LAMB1: variants seen among roughly 807,000 people sequenced by gnomAD.
LAMB1 encodes the protein laminin subunit beta 1, also known as laminin subunit beta-1.
Under a neutral mutation model 222.3 loss-of-function variants are expected in LAMB1, and 121 were observed. The observed-to-expected ratio is 0.54, with a 90% confidence interval of 0.47 to 0.63. The LOEUF (loss-of-function observed/expected upper bound fraction) is 0.63. LAMB1 is among the 30% of genes least tolerant of loss of function. The pLI is 0.00. For synonymous variants in LAMB1, 794 were observed against 807.2 expected (o/e 0.98, Z 0.28); for missense variants, 2,172 against 2,240.8 (o/e 0.97, Z 0.62).
chr7:107,981,239 G>A (rs2033967212), intron 7 of LAMB1, among the ~76,000 whole-genome samples: 1 of 152,168 alleles, frequency 6.6e-6, no homozygotes, highest in Non-Finnish European at 1.5e-5. Context: ...CTGAGGTCAG[G>A]AGTTCAAAAC....
At chr7:107,952,279 G>T (rs560155463) in intron 22 of LAMB1, 56 bp from the exon 23 acceptor site, 2 of 1,322,286 alleles carry the variant, frequency 1.5e-6, no homozygotes, top group African/African-American at 1.4e-5. Context: ...ACAGGCATGC[G>T]GATGTTAGCC....
In LAMB1 at chr7:107,952,001, C is replaced by G. The variant is rs1231099629; in HGVS notation, c.3294+8G>C. The G allele has an allele frequency of 1.2e-6, 2 of 1,603,576 alleles. No homozygotes were observed. Among genetic ancestry groups the G allele is most frequent in the African/African-American group, 2.7e-5 (2 of 74,724 alleles). On this transcript the variant is annotated splice_region_variant and intron_variant, in intron 23 of 33. Transcript: ENST00000222399. ...ATAAAGGCATCATCCCCAGCAGCAG[C>G]CCCTCACCTCATTGCAAGATGGCCC...
chr7:108,002,922 G>C lies in LAMB1; in HGVS notation c.-37C>G, dbSNP rs1345796592. 4.3e-6 allele frequency: 7 copies of C among 1,612,458 alleles called. No homozygotes were observed. In the South Asian group the frequency reaches 7.7e-5, roughly 18 times the overall value. On this transcript the variant is annotated 5_prime_UTR_variant, in exon 2 of 34. Coordinates refer to ENST00000222399, the MANE Select transcript of LAMB1 (RefSeq NM_002291.3). ...GCAGCCACGGGGACGCGGCAGAGGA[G>C]TGGAGAAGACGCCCGCCGAGCCGCC... is the stretch of plus-strand genomic sequence containing the variant.
At chr7:107,946,123 G>C (rs1457096331) in intron 24 of LAMB1, among the ~76,000 whole-genome samples, 1 of 152,108 alleles carries the variant, frequency 6.6e-6, no homozygotes, top group Non-Finnish European at 1.5e-5. Flanking sequence ...TAAGATTCAG[G>C]TAATGGGGTT....
intron 29 of LAMB1, 68 bp from the exon 30 acceptor site, chr7:107,929,687 A>C (rs2032659562): frequency 3.2e-6 from 4 of 1,259,984 alleles, no homozygotes; most frequent in Middle Eastern, 1.9e-4. Flanking sequence ...TCAACCACTT[A>C]CTGGTCATCT....
chr7:107,934,126 T>C (rs1006548036), intron 27 of LAMB1, among the ~76,000 whole-genome samples: 1 of 152,266 alleles, frequency 6.6e-6, no homozygotes, highest in African/African-American at 2.4e-5. Flanking sequence ...ATTTTTCTTT[T>C]TTCTTCATCT....
rs1014966593 is a variant in LAMB1 at position 107,953,626 on chromosome 7, C to A, written c.2983G>T (p.Gly995Trp). ...TDPEACDKET[G>W]RCLKCLYHTE... The stretch of plus-strand genomic sequence containing the variant: ...TGGTACAGGCACTTGAGACACCTCC[C>A]AGTCTCCTTGTCACAGGCTTCTGGG... Residue 995 changes from glycine to tryptophan, a missense_variant, in exon 22 of 34, where the codon GGG (glycine) becomes TGG (tryptophan). Physicochemically the swap from Gly to Trp is radical, Grantham distance 184. Coordinates refer to ENST00000222399, the MANE Select transcript of LAMB1 (RefSeq NM_002291.3). 1 of 1,614,072 alleles carries A rather than the reference C, an allele frequency of 6.2e-7. No individual in the cohort carries two copies. Among genetic ancestry groups the A allele is most frequent in the Non-Finnish European group, 8.5e-7 (1 of 1,180,028 alleles).
In LAMB1 at chr7:107,951,238, C is replaced by G; in HGVS notation, c.3379G>C (p.Val1127Leu). ...GCCCACAACTCACCTCGGCACTCCA[C>G]GTCGGGGTCTCCCCAGAAGAGTTCC... ...CQELFWGDPDVECRACDCDPR... is the reference protein window; with the variant it reads ...CQELFWGDPDLECRACDCDPR... The change falls in exon 24 of 34, where the codon GTG becomes CTG. Residue 1127 changes from valine (V) to leucine (L), a missense_variant. Coordinates refer to ENST00000222399, the MANE Select transcript of LAMB1 (RefSeq NM_002291.3). 1 of 1,614,044 alleles carries G rather than the reference C, an allele frequency of 6.2e-7. No individual in the cohort carries two copies. Among genetic ancestry groups the G allele is most frequent in the African/African-American group, 1.3e-5 (1 of 75,046 alleles).
chr7:107,946,678 G>A (rs758354800), intron 24 of LAMB1, among the ~76,000 whole-genome samples: 1 of 152,210 alleles, frequency 6.6e-6, no homozygotes, highest in Non-Finnish European at 1.5e-5. Context: ...TCACTCTACT[G>A]ACAACAGTAT....
rs1161573892 is a variant in LAMB1, at chr7:107,937,279, T to C, written c.3762-2A>G. ...TCTGTAACATCTTTAATCAGTTTCCTGTAAAGAGAAAGTTAAGCTTACTTA... is the reference window on the plus strand; with the variant it reads ...TCTGTAACATCTTTAATCAGTTTCCCGTAAAGAGAAAGTTAAGCTTACTTA... On this transcript the variant is annotated splice_acceptor_variant, in intron 25 of 33. Coordinates refer to ENST00000222399, the MANE Select transcript of LAMB1 (RefSeq NM_002291.3). LOFTEE classifies it high-confidence loss of function. 1.9e-6 allele frequency: 3 copies of C among 1,610,942 alleles called. No homozygotes were observed. Among genetic ancestry groups the C allele is most frequent in the South Asian group, 1.1e-5 (1 of 90,880 alleles).
At chr7:107,951,936 C>CT in intron 23 of LAMB1, 73 bp downstream of exon 23, 1 of 1,340,676 alleles carries the variant, frequency 7.5e-7, no homozygotes, top group Admixed American at 2.0e-5. Context: ...GTGCCTTGCT[C>CT]TAACTGGGGC....
At chr7:107,962,396 G>A (rs1205123977) in intron 15 of LAMB1, among the ~76,000 whole-genome samples, 4 of 152,074 alleles carry the variant, frequency 2.6e-5, no homozygotes, top group African/African-American at 4.8e-5. Flanking sequence ...AGATCACTAC[G>A]TTTGAGAAAC....
chr7:107,935,353 T>TG lies in LAMB1; in HGVS notation c.4188+61_4188+62insC, dbSNP rs2032819450. 9.3e-5 allele frequency: 40 copies of TG among 428,166 alleles called. No homozygotes were observed. The South Asian group carries it at 2.2e-3, about 24-fold the overall frequency. The allele number at this position is 428,166 out of a possible 1,614,324, so 26.5% of individuals were successfully genotyped here. ...AGATGGTTTGTTTTTCTTTGTTTTT[T>TG]TTTTTTTTTTTTTTTTTTTTGCTTG... is the stretch of plus-strand genomic sequence containing the variant. On this transcript the variant is annotated intron_variant, in intron 27 of 33. Coordinates refer to ENST00000222399, the MANE Select transcript of LAMB1 (RefSeq NM_002291.3).
In LAMB1 at chr7:107,961,721, G is replaced by GC. The variant is rs746268430; in HGVS notation, c.1858-46dup. 1.1e-5 allele frequency: 17 copies of GC among 1,585,594 alleles called. No individual in the cohort carries two copies. In the African/African-American group the frequency reaches 2.1e-4, roughly 20 times the overall value. ...ATGAAAAGATAGTTAGCCCACCACTGCCTGTTTATAAAAAGACCTCTCTGA... is the reference window on the plus strand; with the variant it reads ...ATGAAAAGATAGTTAGCCCACCACTGCCCTGTTTATAAAAAGACCTCTCTGA... On this transcript the variant is annotated intron_variant, in intron 15 of 33. Coordinates refer to ENST00000222399, the MANE Select transcript of LAMB1 (RefSeq NM_002291.3).
chr7:107,942,945 C>T (rs575240375), intron 24 of LAMB1, among the ~76,000 whole-genome samples: 419 of 152,206 alleles, frequency 2.8e-3, no homozygotes, highest in Non-Finnish European at 4.4e-3. Flanking sequence ...ATTTCCTTAG[C>T]GCCTGGGGTT....
chr7:107,998,612 T>C, intron 3 of LAMB1, 120 bp from the exon 4 acceptor site: 1 of 800,826 alleles, frequency 1.2e-6, no homozygotes, highest in Non-Finnish European at 1.9e-6. Context: ...AGAAAAATAA[T>C]TGTGTGAAAA....
intron 24 of LAMB1, 69 bp from the exon 25 acceptor site, chr7:107,940,427 AG>A (rs2032954289): frequency 6.7e-7 from 1 of 1,493,168 alleles, no homozygotes; most frequent in African/African-American, 1.4e-5. Context: ...TGTGGCATTT[AG>A]AATACTCACT....
chr7:107,965,419 A>C (rs1188854825), intron 13 of LAMB1, among the ~76,000 whole-genome samples: 1 of 152,082 alleles, frequency 6.6e-6, no homozygotes, highest in African/African-American at 2.4e-5. Context: ...ATCTCTACTA[A>C]AAATACAAAA....
chr7:108,000,672 C>G (rs1409511375), intron 3 of LAMB1, among the ~76,000 whole-genome samples: 1 of 151,934 alleles, frequency 6.6e-6, no homozygotes, highest in African/African-American at 2.4e-5. Context: ...GCCTCCCAGA[C>G]AGCTGGGACC....
Sources: allele counts gnomAD v4.1 joint callset (sites outside exome capture counted in the v4.1 genomes callset), GRCh38; gene constraint gnomAD v4.1.1; transcripts MANE v1.5; gene names NCBI Gene and HGNC (gene_info 2026-07-23, HGNC 2026-07-21).